The following ERC1 variants were observed in gnomAD, a reference collection of about 807,000 sequenced individuals.
The protein encoded by ERC1 is RAB6 interacting protein 2.
ERC1 carries 56 observed loss-of-function variants against 132.0 expected under a neutral mutation model. That is an observed-to-expected ratio of 0.42 (90% confidence interval 0.34 to 0.53). The LOEUF (loss-of-function observed/expected upper bound fraction) is 0.53. Among genes scored for constraint, ERC1 ranks in the 20% least tolerant of loss-of-function variants. The probability of loss-of-function intolerance (pLI) is 0.03; values close to 1 mark genes in which losing one functional copy is unlikely to be tolerated. For synonymous variants in ERC1, 478 were observed against 476.1 expected, an observed-to-expected ratio of 1.00 and a Z score of -0.05; for missense variants, 1,202 against 1,349.9, an observed-to-expected ratio of 0.89 and a Z score of 1.72.
intron 12 of ERC1, among the ~76,000 whole-genome samples, chr12:1,222,204 AT>A (rs1754050277): frequency 1.3e-5 from 2 of 151,350 alleles, no homozygotes; most frequent in Admixed American, 1.3e-4. Flanking sequence ...CTGTAGGACT[AT>A]TATGAGTGTA....
At chr12:1,067,252 A>G (rs1939387485) in intron 2 of ERC1, among the ~76,000 whole-genome samples, 1 of 152,232 alleles carries the variant, frequency 6.6e-6, no homozygotes, top group South Asian at 2.1e-4. Flanking sequence ...AAAAGTTTTT[A>G]GTGTAAAATG....
intron 15 of ERC1, among the ~76,000 whole-genome samples, chr12:1,296,475 G>A (rs997857434): frequency 2.3e-5 from 3 of 130,896 alleles, no homozygotes; most frequent in African/African-American, 8.8e-5. Flanking sequence ...GTGCAGTGGC[G>A]CCATCTCGGC....
rs1291991740 is a variant in ERC1 at position 1,394,033 on chromosome 12, ACAAAAAAAAAACCAC to A, written c.2926-14115_2926-14101del. 1.7e-4 allele frequency among the ~76,000 whole-genome samples: 21 copies of A among 124,298 alleles called. 3 individuals are homozygous for A. The highest frequency in any genetic ancestry group is 5.0e-4 in the South Asian group (2 of 4,020). 81.5% of individuals were successfully genotyped at this position (124,298 alleles called of 152,430 possible). ...TCCGTCTCAAAAAAAAAAAAAAAAA[ACAAAAAAAAAACCAC>A]AAAGCATTAAGCAATTTAATTTCTG... is the stretch of plus-strand genomic sequence containing the variant. On this transcript the variant is annotated intron_variant, in intron 16 of 18. Coordinates refer to ENST00000360905, the MANE Select transcript of ERC1 (RefSeq NM_178040.4).
chr12:1,438,867 A>G (rs2093017500), intron 17 of ERC1, among the ~76,000 whole-genome samples: 1 of 152,012 alleles, frequency 6.6e-6, no homozygotes, highest in South Asian at 2.1e-4. Flanking sequence ...CGCTGAGCCC[A>G]GGTGGCTGAG....
chr12:1,260,847 TATC>T (rs1260661873), intron 13 of ERC1, among the ~76,000 whole-genome samples: 1 of 152,246 alleles, frequency 6.6e-6, no homozygotes, highest in Non-Finnish European at 1.5e-5. Flanking sequence ...AAATATTACT[TATC>T]AGCCATTTCC....
At chr12:1,151,291 A>C (rs921823207) in intron 8 of ERC1, among the ~76,000 whole-genome samples, 4 of 152,230 alleles carry the variant, frequency 2.6e-5, no homozygotes, top group Admixed American at 2.6e-4. Flanking sequence ...CGGAACATTA[A>C]GGTTGTATGA....
At chr12:1,372,934 T>G (rs1194864155) in intron 16 of ERC1, among the ~76,000 whole-genome samples, 1 of 152,262 alleles carries the variant, frequency 6.6e-6, no homozygotes, top group Non-Finnish European at 1.5e-5. Flanking sequence ...AACAAAGTTA[T>G]TTTCTCTGTG....
chr12:1,461,702 C>T (rs1402469218), intron 18 of ERC1, among the ~76,000 whole-genome samples: 1 of 152,008 alleles, frequency 6.6e-6, no homozygotes, highest in Non-Finnish European at 1.5e-5. Flanking sequence ...AAAACTGAGC[C>T]TTTGTAGCAA....
chr12:1,257,737 C>T (rs904921094), intron 13 of ERC1, among the ~76,000 whole-genome samples: 1 of 151,986 alleles, frequency 6.6e-6, no homozygotes, highest in Non-Finnish European at 1.5e-5. Flanking sequence ...AAAAACTGCT[C>T]TAACTAGTGC....
intron 14 of ERC1, among the ~76,000 whole-genome samples, chr12:1,277,658 T>C (rs2154334949): frequency 6.6e-6 from 1 of 152,282 alleles, no homozygotes; most frequent in African/African-American, 2.4e-5. Context: ...GTAGAATCAT[T>C]CTGTCTTACA....
At chr12:1,292,691 A>C (rs2079538757) in intron 15 of ERC1, among the ~76,000 whole-genome samples, 1 of 152,230 alleles carries the variant, frequency 6.6e-6, no homozygotes, top group Admixed American at 6.5e-5. Context: ...TTAGGAGAGA[A>C]AAGTAGAGTA....
intron 18 of ERC1, among the ~76,000 whole-genome samples, chr12:1,461,785 A>G (rs1442239734): frequency 6.6e-6 from 1 of 152,242 alleles, no homozygotes; most frequent in Non-Finnish European, 1.5e-5. Context: ...CACCTAACAT[A>G]TATTGCTAAA....
intron 14 of ERC1, among the ~76,000 whole-genome samples, chr12:1,279,992 C>T (rs1232933198): frequency 6.6e-6 from 1 of 152,144 alleles, no homozygotes; most frequent in Admixed American, 6.5e-5. Context: ...CCGTGCCCGA[C>T]CAGACATGTT....
intron 2 of ERC1, among the ~76,000 whole-genome samples, chr12:1,065,978 T>C (rs1295538366): frequency 1.3e-5 from 2 of 152,172 alleles, no homozygotes; most frequent in African/African-American, 4.8e-5. Flanking sequence ...TCTACAGATG[T>C]AGAATGCTAA....
intron 17 of ERC1, among the ~76,000 whole-genome samples, chr12:1,419,710 A>T (rs1319662924): frequency 6.6e-6 from 1 of 151,990 alleles, no homozygotes; most frequent in African/African-American, 2.4e-5. Flanking sequence ...AAGATGAAAA[A>T]GTTCTGGAGA....
At chr12:1,378,842 C>T (rs1398102896) in intron 16 of ERC1, among the ~76,000 whole-genome samples, 2 of 152,178 alleles carry the variant, frequency 1.3e-5, no homozygotes, top group Non-Finnish European at 2.9e-5. Context: ...ATTATTGCAT[C>T]TGAACCTTCA....
intron 18 of ERC1, among the ~76,000 whole-genome samples, chr12:1,487,201 C>T (rs774688893): frequency 3.9e-5 from 6 of 152,092 alleles, no homozygotes; most frequent in Non-Finnish European, 5.9e-5. Context: ...TGGTCTAAAT[C>T]GGGCCCCTCA....
At chr12:1,111,234 T>G (rs543663615) in intron 5 of ERC1, among the ~76,000 whole-genome samples, 2 of 152,262 alleles carry the variant, frequency 1.3e-5, no homozygotes, top group South Asian at 4.1e-4. Flanking sequence ...GTATCCAAAG[T>G]CATTTAGTTT....
intron 17 of ERC1, among the ~76,000 whole-genome samples, chr12:1,421,663 T>C (rs1029468767): frequency 1.3e-5 from 2 of 152,062 alleles, no homozygotes; most frequent in Admixed American, 6.5e-5. Flanking sequence ...ATTGGGGAAG[T>C]TACAAATTTT....
Sources: allele counts gnomAD v4.1 joint callset (sites outside exome capture counted in the v4.1 genomes callset), GRCh38; gene constraint gnomAD v4.1.1; transcripts MANE v1.5; gene names NCBI Gene and HGNC (gene_info 2026-07-23, HGNC 2026-07-21).